The following MAP4K3 variants were observed in gnomAD, a reference collection of about 807,000 sequenced individuals.
The protein encoded by MAP4K3 is mitogen-activated protein kinase kinase kinase kinase 3.
In MAP4K3, 94 loss-of-function variants were observed where a neutral mutation model predicts 143.5. The observed-to-expected ratio is 0.65, with a 90% confidence interval of 0.55 to 0.78. The LOEUF (loss-of-function observed/expected upper bound fraction) is 0.78. MAP4K3 is among the 30% of genes least tolerant of loss of function. The pLI is 0.00. For missense variants in MAP4K3, 1,077 were observed against 1,068.1 expected, an observed-to-expected ratio of 1.01 and a Z score of -0.12; for synonymous variants, 416 against 347.2, an observed-to-expected ratio of 1.20 and a Z score of -2.20.
chr2:39,266,345 G>C (rs1680763045), intron 27 of MAP4K3, among the ~76,000 whole-genome samples: 1 of 152,156 alleles, frequency 6.6e-6, no homozygotes, highest in Admixed American at 6.5e-5. Context: ...CACTGCTACT[G>C]CTCTAGCACA....
At chr2:39,413,698 C>T (rs531213177) in intron 1 of MAP4K3, among the ~76,000 whole-genome samples, 2 of 151,558 alleles carry the variant, frequency 1.3e-5, no homozygotes, top group South Asian at 4.2e-4. Flanking sequence ...GGTGGGCCCC[C>T]TGTATCACCA....
At chr2:39,425,114 C>G (rs1462463223) in intron 1 of MAP4K3, among the ~76,000 whole-genome samples, 2 of 149,988 alleles carry the variant, frequency 1.3e-5, no homozygotes, top group Non-Finnish European at 3.0e-5. Flanking sequence ...CTCCCCACCA[C>G]CCCCCCAGCC....
rs762568806 is a variant in MAP4K3, at chr2:39,325,568, T to C, written c.868A>G (p.Asn290Asp). The C allele has an allele frequency of 6.2e-7, 1 of 1,613,216 alleles. No homozygotes were observed. Among genetic ancestry groups the C allele is most frequent in the East Asian group, 2.2e-5 (1 of 44,802 alleles). Residue 290 changes from asparagine to aspartate, a missense_variant, in exon 12 of 34, where the codon AAT (asparagine) becomes GAT (aspartate). By Grantham distance (23) the Asn-to-Asp change is conservative. Transcript: ENST00000263881. ...SLAIELLDKV[N>D]NPDHSTYHDF... Reference sequence around the variant, plus strand: ...TGGTAAGTGGAATGATCTGGATTATTTACTTTATCCAACAGCTCGATTGCC... The same window carrying C: ...TGGTAAGTGGAATGATCTGGATTATCTACTTTATCCAACAGCTCGATTGCC...
intron 12 of MAP4K3, among the ~76,000 whole-genome samples, chr2:39,324,938 T>A (rs535372848): frequency 7.9e-5 from 12 of 152,354 alleles, no homozygotes; most frequent in African/African-American, 2.9e-4. Context: ...AAGTCAAGCC[T>A]ATACTTCCTA....
Position 39,399,439 on chromosome 2 carries a change from A to G in MAP4K3, c.97-21316T>C, listed in dbSNP as rs574141173. On this transcript the variant is annotated intron_variant, in intron 1 of 33. Coordinates refer to ENST00000263881, the MANE Select transcript of MAP4K3 (RefSeq NM_003618.4). Reference sequence around the variant, plus strand: ...AGCCTCAGAGGAAAGGCCATTTCCAATATACATCACATCTCTTTAACAAAA... The same window carrying G: ...AGCCTCAGAGGAAAGGCCATTTCCAGTATACATCACATCTCTTTAACAAAA... 1.5e-4 allele frequency among the ~76,000 whole-genome samples: 23 copies of G among 152,340 alleles called. No individual in the cohort carries two copies. The South Asian group carries it at 4.6e-3, about 30-fold the overall frequency.
intron 1 of MAP4K3, among the ~76,000 whole-genome samples, chr2:39,415,830 G>A (rs1667354253): frequency 6.7e-6 from 1 of 149,670 alleles, no homozygotes; most frequent in Non-Finnish European, 1.5e-5. Context: ...GTGGGAGCCT[G>A]TAATCCCAGC....
At chr2:39,269,771 C>A (rs974434703) in intron 26 of MAP4K3, among the ~76,000 whole-genome samples, 4 of 152,144 alleles carry the variant, frequency 2.6e-5, no homozygotes, top group East Asian at 1.9e-4. Context: ...TGTTGAAACA[C>A]TGAACGACTA....
intron 1 of MAP4K3, among the ~76,000 whole-genome samples, chr2:39,420,163 A>G (rs1667506535): frequency 6.6e-6 from 1 of 152,226 alleles, no homozygotes. Context: ...TTTTAAGGAC[A>G]CACAGGTGTT....
intron 12 of MAP4K3, among the ~76,000 whole-genome samples, chr2:39,322,908 G>A (rs1683360224): frequency 6.6e-6 from 1 of 152,016 alleles, no homozygotes; most frequent in Non-Finnish European, 1.5e-5. Context: ...GACCTCAGGT[G>A]ATCCACCTGC....
chr2:39,437,023 C>CAGGGG lies in MAP4K3; in HGVS notation c.-41_-37dup. On this transcript the variant is annotated 5_prime_UTR_variant, in exon 1 of 34. Coordinates refer to ENST00000263881, the MANE Select transcript of MAP4K3 (RefSeq NM_003618.4). ...AGGTGCCCCCCGCCTCCCTCCCGGG[C>CAGGGG]AGGGGAGGGGGGCCGCTCAGGGGGC... 1 of 1,569,302 alleles carries CAGGGG rather than the reference C, an allele frequency of 6.4e-7. No individual in the cohort carries two copies. Among genetic ancestry groups the CAGGGG allele is most frequent in the Non-Finnish European group, 8.7e-7 (1 of 1,146,966 alleles).
At chr2:39,304,175 T>C (rs1309144799) in intron 15 of MAP4K3, among the ~76,000 whole-genome samples, 1 of 151,886 alleles carries the variant, frequency 6.6e-6, no homozygotes, top group African/African-American at 2.4e-5. Context: ...GAGAGAGCAC[T>C]TTTGGATAGC....
At chr2:39,273,979 G>A (rs759025653) in intron 24 of MAP4K3, among the ~76,000 whole-genome samples, 2 of 152,136 alleles carry the variant, frequency 1.3e-5, no homozygotes, top group African/African-American at 2.4e-5. Context: ...TTAATTCAGT[G>A]TTGAACTGGG....
At chr2:39,317,935 A>T (rs1373408887) in intron 12 of MAP4K3, among the ~76,000 whole-genome samples, 2 of 152,184 alleles carry the variant, frequency 1.3e-5, no homozygotes, top group Non-Finnish European at 2.9e-5. Flanking sequence ...GTTCTACCAT[A>T]AAAACATGCA....
At chr2:39,296,675 T>C (rs537377932) in intron 16 of MAP4K3, among the ~76,000 whole-genome samples, 82 of 152,336 alleles carry the variant, frequency 5.4e-4, no homozygotes, top group South Asian at 2.1e-3. Flanking sequence ...AGTACTGCTC[T>C]GATTACATTT....
In MAP4K3 at chr2:39,250,621, G is replaced by T. The variant is rs1031260369; in HGVS notation, c.2682C>A (p.Tyr894Ter). ...LYILAGHENS[Y>*] Reference sequence around the variant, plus strand: ...AACTGTCAAAGCACAACAATTCTCAGTAACTGTTTTCATGACCCGCCAGGA... The same window carrying T: ...AACTGTCAAAGCACAACAATTCTCATTAACTGTTTTCATGACCCGCCAGGA... Residue 894 changes from tyrosine (Y) to a stop codon, truncating the protein, a stop_gained, in exon 34 of 34, where the codon TAC becomes TAA. Transcript: ENST00000263881. LOFTEE classifies it high-confidence loss of function. 1.2e-6 allele frequency: 2 copies of T among 1,613,082 alleles called. No homozygotes were observed. Among genetic ancestry groups the T allele is most frequent in the Non-Finnish European group, 1.7e-6 (2 of 1,179,364 alleles).
intron 2 of MAP4K3, among the ~76,000 whole-genome samples, chr2:39,357,044 C>T (rs939446792): frequency 6.6e-6 from 1 of 152,204 alleles, no homozygotes; most frequent in African/African-American, 2.4e-5. Flanking sequence ...CTTGTTCCAA[C>T]TGTGTTATAA....
rs373127386 is a variant in MAP4K3, at chr2:39,280,245, A to G, written c.1714+27T>C. 2.2e-5 allele frequency: 29 copies of G among 1,328,184 alleles called. No individual in the cohort carries two copies. The African/African-American group carries it at 2.9e-4, about 13-fold the overall frequency. 82.3% of individuals were successfully genotyped at this position (1,328,184 alleles called of 1,614,324 possible). A position where few individuals can be genotyped will look rare whatever the true frequency, so the allele number is the denominator to read the frequency against. ...GCCCCAGTTTTAAAAAATTAGGAAGATAACAGATAAAAACACACAATACTA... is the reference window on the plus strand; with the variant it reads ...GCCCCAGTTTTAAAAAATTAGGAAGGTAACAGATAAAAACACACAATACTA... On this transcript the variant is annotated intron_variant, in intron 23 of 33. Coordinates refer to ENST00000263881, the MANE Select transcript of MAP4K3 (RefSeq NM_003618.4).
intron 16 of MAP4K3, 38 bp downstream of exon 16, chr2:39,299,705 C>A: frequency 8.3e-7 from 1 of 1,206,718 alleles, no homozygotes; most frequent in Non-Finnish European, 1.2e-6. Context: ...CTTAATAATT[C>A]TTGAATTTAA....
chr2:39,424,862 A>G (rs1237170792), intron 1 of MAP4K3, among the ~76,000 whole-genome samples: 5 of 149,764 alleles, frequency 3.3e-5, no homozygotes, highest in African/African-American at 1.2e-4. Context: ...AAAGTTACCT[A>G]CAAGCACAAG....
Sources: allele counts gnomAD v4.1 joint callset (sites outside exome capture counted in the v4.1 genomes callset), GRCh38; gene constraint gnomAD v4.1.1; transcripts MANE v1.5; gene names NCBI Gene and HGNC (gene_info 2026-07-23, HGNC 2026-07-21).